BAZ1B: variants seen among roughly 807,000 people sequenced by gnomAD.
BAZ1B encodes tyrosine-protein kinase BAZ1B.
Under a neutral mutation model 153.8 loss-of-function variants are expected in BAZ1B, and 22 were observed. The ratio of observed to expected loss-of-function variants is 0.14; its 90% confidence interval spans 0.10 to 0.20. BAZ1B has a LOEUF of 0.20. BAZ1B is among the 10% of genes least tolerant of loss of function. The pLI, the probability that BAZ1B is intolerant of heterozygous loss-of-function variation, is 1.00. For synonymous variants in BAZ1B, 676 were observed against 633.4 expected (o/e 1.07, Z -1.01); for missense variants, 1,325 against 1,799.3 (o/e 0.74, Z 4.77).
chr7:73,478,414 C>T lies in BAZ1B; in HGVS notation c.1047G>A (p.Ser349=), dbSNP rs548629322. The T allele has an allele frequency of 9.3e-6, 15 of 1,608,944 alleles. No homozygotes were observed. Among genetic ancestry groups the T allele is most frequent in the African/African-American group, 5.3e-5 (4 of 74,810 alleles). Residue 349 remains serine, a synonymous_variant, in exon 7 of 20, where the codon TCG becomes TCA. Coordinates refer to ENST00000339594, the MANE Select transcript of BAZ1B (RefSeq NM_032408.4). ...HVHLKKSLSG[S]PLKVKNSKNS... ...TCTTTGAGTTCTTCACTTTGAGTGGCGAGCCACTCAATGACTTCTTCAAGT... is the reference window on the plus strand; with the variant it reads ...TCTTTGAGTTCTTCACTTTGAGTGGTGAGCCACTCAATGACTTCTTCAAGT...
At chr7:73,463,195 T>C (rs782730374) in intron 11 of BAZ1B, 96 bp from the exon 12 acceptor site, 97 of 1,215,320 alleles carry the variant, frequency 8.0e-5, no homozygotes, top group Non-Finnish European at 9.2e-5. Flanking sequence ...TCTAGAAAAC[T>C]TACTTAGATC....
chr7:73,476,991 T>A lies in BAZ1B; in HGVS notation c.2470A>T (p.Ile824Phe). The change falls in exon 7 of 20, where the codon ATT becomes TTT. Residue 824 changes from isoleucine to phenylalanine, a missense_variant. Ile to Phe is a conservative substitution (Grantham distance 21). This residue lies in a region of BAZ1B where 431 missense variants were observed against 563.5 expected (regional missense o/e 0.76). Coordinates refer to ENST00000339594, the MANE Select transcript of BAZ1B (RefSeq NM_032408.4). ...TCTACTTGGGGCTCAAACTTCACAATTTCTTTTTTCCTATCAGTTTTGCCT... is the reference window on the plus strand; with the variant it reads ...TCTACTTGGGGCTCAAACTTCACAAATTCTTTTTTCCTATCAGTTTTGCCT... ...GLGKTDRKKE[I>F]VKFEPQVDTE... The A allele has an allele frequency of 6.2e-7, 1 of 1,614,238 alleles. No homozygotes were observed. Among genetic ancestry groups the A allele is most frequent in the East Asian group, 2.2e-5 (1 of 44,884 alleles).
At chr7:73,455,033 T>C (rs542656749) in intron 13 of BAZ1B, among the ~76,000 whole-genome samples, 1 of 151,442 alleles carries the variant, frequency 6.6e-6, no homozygotes, top group Non-Finnish European at 1.5e-5. Context: ...TCGGGGTGTG[T>C]GTGTGTGTGT....
intron 4 of BAZ1B, 54 bp downstream of exon 4, chr7:73,498,443 A>G: frequency 6.6e-7 from 1 of 1,519,052 alleles, no homozygotes; most frequent in Non-Finnish European, 9.1e-7. Context: ...ATGTGTTCAT[A>G]ATAAAATAAA....
intron 8 of BAZ1B, 91 bp downstream of exon 8, chr7:73,470,254 G>T: frequency 7.6e-7 from 1 of 1,311,844 alleles, no homozygotes; most frequent in Non-Finnish European, 1.0e-6. Flanking sequence ...GAAGAGAGAA[G>T]CTTGTCTATT....
chr7:73,459,608 T>G lies in BAZ1B; in HGVS notation c.3360A>C (p.Arg1120Ser). 1 of 1,614,140 alleles carries G rather than the reference T, an allele frequency of 6.2e-7. No homozygotes were observed. Among genetic ancestry groups the G allele is most frequent in the Non-Finnish European group, 8.5e-7 (1 of 1,180,036 alleles). ...QGFMAPKQKR[R>S]KLQSEDSAKT... Reference sequence around the variant, plus strand: ...TTGCTGAATCTTCACTTTGGAGTTTTCTTCTCTTTTGCTTGGGAGCCATGA... The same window carrying G: ...TTGCTGAATCTTCACTTTGGAGTTTGCTTCTCTTTTGCTTGGGAGCCATGA... Residue 1120 changes from arginine (R) to serine (S), a missense_variant, in exon 13 of 20, where the codon AGA (arginine) becomes AGC (serine). By Grantham distance (110) the Arg-to-Ser change is moderately radical. Around this residue, in one of 9 missense-constraint regions of BAZ1B, gnomAD observed 431 missense variants for 563.5 expected, o/e 0.76. Coordinates refer to ENST00000339594, the MANE Select transcript of BAZ1B (RefSeq NM_032408.4).
chr7:73,478,225 C>A lies in BAZ1B; in HGVS notation c.1236G>T (p.Leu412=). The change falls in exon 7 of 20, where the codon CTG becomes CTT. Residue 412 remains leucine (L), a synonymous_variant. Coordinates refer to ENST00000339594, the MANE Select transcript of BAZ1B (RefSeq NM_032408.4). ...LKAKGRSKGI[L]NGQKSTGNSK... ...AATTCCCTGTGGATTTCTGTCCATTCAGGATGCCTTTGCTTCTGCCCTTTG... is the reference window on the plus strand; with the variant it reads ...AATTCCCTGTGGATTTCTGTCCATTAAGGATGCCTTTGCTTCTGCCCTTTG... 1 of 1,614,190 alleles carries A rather than the reference C, an allele frequency of 6.2e-7. No homozygotes were observed. The highest frequency in any genetic ancestry group is 1.1e-5 in the South Asian group (1 of 91,090).
intron 3 of BAZ1B, among the ~76,000 whole-genome samples, chr7:73,502,769 C>A (rs896227577): frequency 1.3e-5 from 2 of 152,116 alleles, no homozygotes; most frequent in Non-Finnish European, 2.9e-5. Context: ...CAGAGCCAGA[C>A]CCTGTCTCAA....
intron 3 of BAZ1B, among the ~76,000 whole-genome samples, chr7:73,500,127 T>C (rs1238901567): frequency 2.0e-5 from 3 of 152,182 alleles, no homozygotes; most frequent in African/African-American, 7.2e-5. Flanking sequence ...TACCCTTTAA[T>C]TGAAATGTTT....
In BAZ1B at chr7:73,507,977, A is replaced by G. The variant is rs536924421; in HGVS notation, c.369+350T>C. Among the ~76,000 whole-genome samples the G allele has an allele frequency of 3.3e-5, 5 of 152,260 alleles. No homozygotes were observed. The East Asian group carries it at 9.7e-4, about 29-fold the overall frequency. ...TGAGACCAGCCTGGCCAAAATGGTG[A>G]AACCCTGTCTCTACCAAAAATACAA... On this transcript the variant is annotated intron_variant, in intron 3 of 19. Transcript: ENST00000339594.
intron 1 of BAZ1B, among the ~76,000 whole-genome samples, chr7:73,512,863 G>C (rs1790644454): frequency 6.6e-6 from 1 of 152,198 alleles, no homozygotes; most frequent in South Asian, 2.1e-4. Flanking sequence ...AGGCTGGCCT[G>C]TATCTCCTGA....
At chr7:73,470,116 T>C (rs554652168) in intron 8 of BAZ1B, among the ~76,000 whole-genome samples, 2 of 152,340 alleles carry the variant, frequency 1.3e-5, no homozygotes, top group Non-Finnish European at 1.5e-5. Context: ...ATCACCATCA[T>C]GTAAGCTTCC....
chr7:73,518,437 A>T (rs1790900384), intron 1 of BAZ1B, among the ~76,000 whole-genome samples: 4 of 151,334 alleles, frequency 2.6e-5, no homozygotes, highest in African/African-American at 9.7e-5. Context: ...TAAATAAATA[A>T]AAATAAAAAT....
At position 73,478,677 on chromosome 7, in the gene BAZ1B, A is replaced by G. The variant is rs367735058; in HGVS notation, c.892-108T>C. ...TCCCCAGCTATTCAGGTAAAGCTAC[A>G]TATTCATATCTCTTCATAGATACTT... On this transcript the variant is annotated intron_variant, in intron 6 of 19. Coordinates refer to ENST00000339594, the MANE Select transcript of BAZ1B (RefSeq NM_032408.4). 137 of 916,370 alleles carry G rather than the reference A, an allele frequency of 1.5e-4. 2 individuals are homozygous for G. The South Asian group carries it at 1.7e-3, about 11-fold the overall frequency. 56.8% of individuals were successfully genotyped at this position (916,370 alleles called of 1,614,324 possible). A position where few individuals can be genotyped will look rare whatever the true frequency, so the allele number is the denominator to read the frequency against.
intron 6 of BAZ1B, among the ~76,000 whole-genome samples, chr7:73,488,550 G>C (rs782814985): frequency 6.6e-6 from 1 of 151,716 alleles, no homozygotes; most frequent in Non-Finnish European, 1.5e-5. Context: ...TGGCCAACAC[G>C]GCAAAACCCC....
At chr7:73,521,748 C>G in intron 1 of BAZ1B, 79 bp downstream of exon 1, 2 of 1,262,372 alleles carry the variant, frequency 1.6e-6, no homozygotes, top group South Asian at 1.5e-5. Flanking sequence ...GGATGCGCGG[C>G]TGACCTGGTC....
chr7:73,460,949 ATC>A lies in BAZ1B; in HGVS notation c.3250-1233_3250-1232del, dbSNP rs111810447. On this transcript the variant is annotated intron_variant, in intron 12 of 19. Coordinates refer to ENST00000339594, the MANE Select transcript of BAZ1B (RefSeq NM_032408.4). ...CAGACTGGGCAATATAACAAGACCT[ATC>A]TCTCTCTTTTTTTTTTTGGTTTTTT... Among the ~76,000 whole-genome samples, 1,080 of 150,210 alleles carry A rather than the reference ATC, an allele frequency of 7.2e-3. 12 individuals carry two copies. The highest frequency in any genetic ancestry group is 0.025 in the African/African-American group (1,035 of 41,008).
intron 4 of BAZ1B, among the ~76,000 whole-genome samples, chr7:73,494,308 G>A (rs976363837): frequency 2.0e-5 from 3 of 152,096 alleles, no homozygotes; most frequent in Non-Finnish European, 2.9e-5. Flanking sequence ...GCTTGAACCC[G>A]GGAGGTGGAG....
intron 3 of BAZ1B, among the ~76,000 whole-genome samples, chr7:73,499,706 C>A (rs1790050584): frequency 6.6e-6 from 1 of 152,178 alleles, no homozygotes; most frequent in Non-Finnish European, 1.5e-5. Context: ...TATCTTGGGG[C>A]ATTAGAGGGC....
Sources: gnomAD v4.1 joint callset for allele counts (sites outside exome capture counted in the v4.1 genomes callset) on GRCh38, gnomAD v4.1.1 for gene constraint, gnomAD v4.1.1 regional missense constraint, MANE v1.5 for transcripts, NCBI Gene and HGNC (gene_info 2026-07-23, HGNC 2026-07-21) for gene names.